The following NAALADL1 variants were observed in gnomAD, a reference collection of about 807,000 sequenced individuals.
NAALADL1 encodes aminopeptidase NAALADL1.
Under a neutral mutation model 82.8 loss-of-function variants are expected in NAALADL1, and 77 were observed. The observed-to-expected ratio is 0.93, with a 90% CI of 0.77 to 1.12. The LOEUF is 1.12. Among genes scored for constraint, NAALADL1 ranks in the 50% most tolerant of loss-of-function variants. NAALADL1 has a pLI of 0.00. For missense variants in NAALADL1, 956 were observed against 964.0 expected (o/e 0.99, Z 0.11); for synonymous variants, 358 against 399.2 (o/e 0.90, Z 1.23).
Position 65,045,819 on chromosome 11 carries a change from C to CA in NAALADL1, c.2036+2dup. 1 of 1,613,780 alleles carries CA rather than the reference C, an allele frequency of 6.2e-7. No homozygotes were observed. Among genetic ancestry groups the CA allele is most frequent in the Non-Finnish European group, 8.5e-7 (1 of 1,179,826 alleles). On this transcript the variant is annotated splice_region_variant and intron_variant, in intron 17 of 17. Transcript: ENST00000358658. ...ACCTCCCAGGACTCTGGGACAGACT[C>CA]ACCTGTAGTAGCGTTCCTCTGGGAA...
In NAALADL1 at chr11:65,053,149, G is replaced by A; in HGVS notation, c.1198+69C>T. ...ACAAGGAGCACTGCAGTGTGAGGGAGAGGAGGTGGAACAGGAAGGGGACCT... is the reference window on the plus strand; with the variant it reads ...ACAAGGAGCACTGCAGTGTGAGGGAAAGGAGGTGGAACAGGAAGGGGACCT... On this transcript the variant is annotated intron_variant, in intron 8 of 17. Transcript: ENST00000358658. This position sits in a 1 kb window ranked among gnomAD's most constrained non-coding sequence, Gnocchi z 4.3. 1 of 1,474,340 alleles carries A rather than the reference G, an allele frequency of 6.8e-7. No homozygotes were observed. Among genetic ancestry groups the A allele is most frequent in the South Asian group, 1.4e-5 (1 of 73,566 alleles). The allele number at this position is 1,474,340 out of a possible 1,614,324, so 91.3% of individuals were successfully genotyped here.
At chr11:65,060,908 C>T (rs1013925892), upstream of NAALADL1, among the ~76,000 whole-genome samples, 2 of 152,072 alleles carry the variant, frequency 1.3e-5, no homozygotes, top group Non-Finnish European at 2.9e-5. Flanking sequence ...TTCAATCCTC[C>T]AGGACCAGCA....
In NAALADL1 at chr11:65,046,192, G is replaced by C; in HGVS notation, c.1852C>G (p.Leu618Val). ...TCAGGGTCAGGGCTGTGCATACCCAGGCTGATGCTGTGCTGCTCCAGCAGG... is the reference window on the plus strand; with the variant it reads ...TCAGGGTCAGGGCTGTGCATACCCACGCTGATGCTGTGCTGCTCCAGCAGG... ...GALLEQHSIS[L>V]GPLVTAVEKF... is the part of the protein sequence containing the mutation. The change falls in exon 15 of 18, where the codon CTG becomes GTG. Residue 618 changes from leucine to valine, a missense_variant. By Grantham distance (32) the Leu-to-Val change is conservative. Coordinates refer to ENST00000358658, the MANE Select transcript of NAALADL1 (RefSeq NM_005468.3). 6.2e-7 allele frequency: 1 copy of C among 1,614,134 alleles called. No homozygotes were observed. The highest frequency in any genetic ancestry group is 8.5e-7 in the Non-Finnish European group (1 of 1,180,022).
Position 65,045,430 on chromosome 11 carries a change from G to T in NAALADL1, c.2064C>A (p.Gly688=). The T allele has an allele frequency of 6.2e-7, 1 of 1,611,684 alleles. No homozygotes were observed. The highest frequency in any genetic ancestry group is 8.5e-7 in the Non-Finnish European group (1 of 1,178,870). The stretch of plus-strand genomic sequence containing the variant: ...ATAGGCCCGGGAATGTGACTACGGA[G>T]CCCGTGCGAGGTGCCCAGAGCACAT... ...YSHVLWAPRT[G]SVVTFPGLSN... Residue 688 remains glycine (G), a synonymous_variant, in exon 18 of 18, where the codon GGC becomes GGA. Transcript: ENST00000358658.
In NAALADL1 at chr11:65,054,207, G is replaced by T; in HGVS notation, c.992+43C>A. 6.5e-7 allele frequency: 1 copy of T among 1,539,916 alleles called. No homozygotes were observed. The highest frequency in any genetic ancestry group is 1.1e-5 in the South Asian group (1 of 87,382). ...CAAGGGAAGGGGAGAGGCGAGTTGG[G>T]GGAGAGGGCAACTGAGGGAGACCTG... is the stretch of plus-strand genomic sequence containing the variant. On this transcript the variant is annotated intron_variant, in intron 6 of 17. Transcript: ENST00000358658. The surrounding 1 kb of genome is among the most constrained non-coding windows in gnomAD (Gnocchi z 4.3).
intron 8 of NAALADL1, among the ~76,000 whole-genome samples, chr11:65,051,315 CTTTTTTTTTTTTTTTTTTTTTT>C (rs10535126): frequency 7.6e-4 from 45 of 59,578 alleles, no homozygotes; most frequent in African/African-American, 2.7e-3. Context: ...TTCTTTCTTT[CTTTTTTTTTTTTTTTTTTTTTT>C]TTTTTTTTTT....
Position 65,053,614 on chromosome 11 carries a change from T to C in NAALADL1, c.993-38A>G. 6.5e-7 allele frequency: 1 copy of C among 1,533,164 alleles called. No homozygotes were observed. Among genetic ancestry groups the C allele is most frequent in the African/African-American group, 1.4e-5 (1 of 72,946 alleles). 95.0% of individuals were successfully genotyped at this position (1,533,164 alleles called of 1,614,324 possible). A position where few individuals can be genotyped will look rare whatever the true frequency, so the allele number is the denominator to read the frequency against. ...AAGGGTGTGAGAAGACTCTTGGCCT[T>C]GCCCACTGCCCCCGACCCAGTGCAG... On this transcript the variant is annotated intron_variant, in intron 6 of 17. Transcript: ENST00000358658. The surrounding 1 kb of genome is among the most constrained non-coding windows in gnomAD (Gnocchi z 4.3).
At chr11:65,060,577 C>T (rs185891675), upstream of NAALADL1, among the ~76,000 whole-genome samples, 9 of 152,192 alleles carry the variant, frequency 5.9e-5, no homozygotes, top group East Asian at 1.9e-4. Flanking sequence ...ACAAACAGGA[C>T]GCCTGGACAA....
chr11:65,046,735 C>G (rs1460553006), intron 13 of NAALADL1, among the ~76,000 whole-genome samples: 3 of 152,184 alleles, frequency 2.0e-5, no homozygotes, highest in Non-Finnish European at 4.4e-5. Flanking sequence ...AGAGCTGGGT[C>G]TGGTGCCAGT....
In NAALADL1 at chr11:65,057,411, A is replaced by G; in HGVS notation, c.563T>C (p.Ile188Thr). Residue 188 changes from isoleucine (I) to threonine (T), a missense_variant, in exon 4 of 18, where the codon ATT becomes ACT. Transcript: ENST00000358658. Reference sequence around the variant, plus strand: ...TACACCCCCATATCGAGTCAGGGCAATGGTGCCTTCAAGTTTGATGCCCTG... The same window carrying G: ...TACACCCCCATATCGAGTCAGGGCAGTGGTGCCTTCAAGTTTGATGCCCTG... ...QTQGIKLEGT[I>T]ALTRYGGVGR... is the part of the protein sequence containing the mutation. 6.2e-7 allele frequency: 1 copy of G among 1,614,158 alleles called. No individual in the cohort carries two copies. The highest frequency in any genetic ancestry group is 8.5e-7 in the Non-Finnish European group (1 of 1,180,018).
rs779696750 is a variant in NAALADL1 at position 65,046,507 on chromosome 11, A to T, written c.1619T>A (p.Ile540Asn). ...AAAGGCTGTGTGGTAGGTGGGGTAG[A>T]TCCTGGCTGAAGTCTTGCTCTGGGG... ...TYDRSKTSAR[I>N]YPTYHTAFDT... Residue 540 changes from isoleucine to asparagine, a missense_variant, in exon 14 of 18, where the codon ATC becomes AAC. Transcript: ENST00000358658. 1.2e-6 allele frequency: 2 copies of T among 1,614,128 alleles called. No homozygotes were observed. The highest frequency in any genetic ancestry group is 1.7e-6 in the Non-Finnish European group (2 of 1,180,020).
chr11:65,047,897 AG>A, intron 11 of NAALADL1, 83 bp downstream of exon 11: 15 of 486,606 alleles, frequency 3.1e-5, no homozygotes, highest in East Asian at 1.2e-4. Flanking sequence ...ACCACTCCCC[AG>A]CCCCGCCCAC....
chr11:65,054,655 G>C lies in NAALADL1; in HGVS notation c.687C>G (p.Pro229=). 2 of 1,614,072 alleles carry C rather than the reference G, an allele frequency of 1.2e-6. No individual in the cohort carries two copies. The highest frequency in any genetic ancestry group is 1.7e-6 in the Non-Finnish European group (2 of 1,179,996). The change falls in exon 5 of 18, where the codon CCC becomes CCG. Residue 229 remains proline (P), a synonymous_variant. Coordinates refer to ENST00000358658, the MANE Select transcript of NAALADL1 (RefSeq NM_005468.3). This position sits in a 1 kb window ranked among gnomAD's most constrained non-coding sequence, Gnocchi z 4.3. ...ACCAGGAGTTGGGAAAGGTTTCGTC[G>C]GGTGAGCTCAGCCCATCGTTGATGT... is the stretch of plus-strand genomic sequence containing the variant. The part of the protein sequence containing the change: ...PADINDGLSS[P]DETFPNSWYL...
At chr11:65,059,542 G>A (rs78133709), upstream of NAALADL1, among the ~76,000 whole-genome samples, 183 of 152,312 alleles carry the variant, frequency 1.2e-3, no homozygotes, top group African/African-American at 4.1e-3. Context: ...TGTCCCAGAG[G>A]AGGCAGCAGG....
chr11:65,059,307 G>A (rs3759042), upstream of NAALADL1, among the ~76,000 whole-genome samples: 31 of 152,250 alleles, frequency 2.0e-4, no homozygotes, highest in East Asian at 4.4e-3. Flanking sequence ...CCACCGTGCC[G>A]GCTATGGTGT....
chr11:65,045,796 C>A, intron 17 of NAALADL1, 26 bp downstream of exon 17: 1 of 1,607,862 alleles, frequency 6.2e-7, no homozygotes, highest in Non-Finnish European at 8.5e-7. Context: ...CTGGAGGCAC[C>A]TCCCAGGACT....
intron 3 of NAALADL1, 141 bp from the exon 4 acceptor site, chr11:65,057,634 C>A: frequency 7.7e-7 from 1 of 1,303,850 alleles, no homozygotes; most frequent in Admixed American, 2.6e-5. Context: ...TCCCCAAGAA[C>A]AGTCACCCCT....
upstream of NAALADL1, among the ~76,000 whole-genome samples, chr11:65,060,748 T>C (rs1484099256): frequency 6.6e-6 from 1 of 152,166 alleles, no homozygotes; most frequent in Non-Finnish European, 1.5e-5. Context: ...TCAATTTTCT[T>C]TCCTTCATCT....
chr11:65,054,915 A>G lies in NAALADL1; in HGVS notation c.604-177T>C, dbSNP rs1355056645. Among the ~76,000 whole-genome samples the G allele has an allele frequency of 6.6e-6, 1 of 152,228 alleles. No individual in the cohort carries two copies. The highest frequency in any genetic ancestry group is 6.5e-5 in the Admixed American group (1 of 15,276). On this transcript the variant is annotated intron_variant, in intron 4 of 17. Transcript: ENST00000358658. This position sits in a 1 kb window ranked among gnomAD's most constrained non-coding sequence, Gnocchi z 4.3. ...TTGCAACAGTAAAGGCCAGTTCGGC[A>G]CAGCCAAGCCCGTGCCTATCAGTGG... is the stretch of plus-strand genomic sequence containing the variant.
Sources: gnomAD v4.1 joint callset for allele counts (sites outside exome capture counted in the v4.1 genomes callset) on GRCh38, gnomAD v4.1.1 for gene constraint, Gnocchi (gnomAD v3.1) non-coding constraint, MANE v1.5 for transcripts, NCBI Gene and HGNC (gene_info 2026-07-23, HGNC 2026-07-21) for gene names.